CNKSR2: variants seen among roughly 807,000 people sequenced by gnomAD.
The protein encoded by CNKSR2 is connector enhancer of kinase suppressor of Ras 2.
In CNKSR2, 14 loss-of-function variants were observed where a neutral mutation model predicts 84.4. The observed-to-expected ratio is 0.17, with a 90% CI of 0.11 to 0.26. The LOEUF (loss-of-function observed/expected upper bound fraction) is 0.26. Among genes scored for constraint, CNKSR2 ranks in the 10% least tolerant of loss-of-function variants. The pLI, the probability that CNKSR2 is intolerant of heterozygous loss-of-function variation, is 1.00. For synonymous variants in CNKSR2, 275 were observed against 277.9 expected (o/e 0.99, Z 0.10); for missense variants, 485 against 771.2 (o/e 0.63, Z 4.40).
At chrX:21,445,211 C>A (rs1299238996) in intron 4 of CNKSR2, among the ~76,000 whole-genome samples, 1 of 111,454 alleles carries the variant, frequency 9.0e-6, no homozygotes, top group Non-Finnish European at 1.9e-5. Context: ...GACCAAAAAA[C>A]AGGACAAGCT....
chrX:21,604,540 A>G (rs1302582918), intron 18 of CNKSR2, among the ~76,000 whole-genome samples: 2 of 111,825 alleles, frequency 1.8e-5, no homozygotes, highest in Non-Finnish European at 1.9e-5. Flanking sequence ...AACTGGAAGG[A>G]AAAAGTAGAG....
At chrX:21,457,337 C>G (rs1336067704) in intron 4 of CNKSR2, among the ~76,000 whole-genome samples, 2 of 111,185 alleles carry the variant, frequency 1.8e-5, no homozygotes, top group Non-Finnish European at 3.8e-5. Flanking sequence ...CTCTTTGCAT[C>G]TTCTTTCCTT....
chrX:21,601,321 A>G lies in CNKSR2; in HGVS notation c.2016A>G (p.Ala672=), dbSNP rs545217275. 6.0e-6 allele frequency: 7 copies of G among 1,164,504 alleles called. No individual in the cohort carries two copies. In the East Asian group the frequency reaches 1.5e-4, roughly 25 times the overall value. The change falls in exon 18 of 22, where the codon GCA becomes GCG. Residue 672 remains alanine (A), a synonymous_variant. Transcript: ENST00000379510. ...NRINMLTAGY[A]ERERIKQEQD... ...TTAATATGCTGACTGCAGGATATGCAGAAAGAGAGAGGATTAAGCAGGAAC... is the reference window on the plus strand; with the variant it reads ...TTAATATGCTGACTGCAGGATATGCGGAAAGAGAGAGGATTAAGCAGGAAC...
chrX:21,532,718 A>C (rs1233852748), intron 11 of CNKSR2, among the ~76,000 whole-genome samples: 1 of 111,920 alleles, frequency 8.9e-6, no homozygotes, highest in African/African-American at 3.2e-5. Context: ...AAAGATTTGC[A>C]GATAAAGTTG....
At chrX:21,454,834 A>G (rs1028712487) in intron 4 of CNKSR2, among the ~76,000 whole-genome samples, 18 of 112,011 alleles carry the variant, frequency 1.6e-4, no homozygotes, top group African/African-American at 5.5e-4. Flanking sequence ...TCTTTATAAT[A>G]CACTTGGGAG....
chrX:21,632,021 A>G (rs1466191568), intron 20 of CNKSR2, among the ~76,000 whole-genome samples: 1 of 112,246 alleles, frequency 8.9e-6, no homozygotes, highest in Admixed American at 9.5e-5. Flanking sequence ...TTAAATTCCT[A>G]GCTCCTCTTT....
At position 21,563,434 on chromosome X, in the gene CNKSR2, A is replaced by G. The variant is rs754692418; in HGVS notation, c.1590A>G (p.Pro530=). 1 of 1,204,907 alleles carries G rather than the reference A, an allele frequency of 8.3e-7. No individual in the cohort carries two copies. Among genetic ancestry groups the G allele is most frequent in the South Asian group, 1.8e-5 (1 of 56,654 alleles). The change falls in exon 13 of 22, where the codon CCA becomes CCG. Residue 530 remains proline (P), a synonymous_variant. Transcript: ENST00000379510. ...AAGACATCATGGGCACTCCTGTGCC[A>G]GAGACCACACTATACCATGTAAGTA... The part of the protein sequence containing the change: ...LRQDIMGTPV[P]ETTLYHTFQQ...
chrX:21,598,008 CAT>C (rs201782311), intron 17 of CNKSR2, among the ~76,000 whole-genome samples: 3,015 of 101,999 alleles, frequency 0.03, 57 homozygotes, highest in African/African-American at 0.064. Context: ...AAATCATACA[CAT>C]ATATATATAT....
rs1246110559 is a variant in CNKSR2 at position 21,654,241 on chromosome X, C to T, written c.*1720C>T. 1 of 88,343 alleles carries T rather than the reference C, an allele frequency of 1.1e-5. No homozygotes were observed. The highest frequency in any genetic ancestry group is 4.4e-5 in the African/African-American group (1 of 22,672). 7.3% of individuals were successfully genotyped at this position (88,343 alleles called of 1,213,427 possible). On this transcript the variant is annotated 3_prime_UTR_variant, in exon 22 of 22. Coordinates refer to ENST00000379510, the MANE Select transcript of CNKSR2 (RefSeq NM_014927.5). ...CATTTATTTACTGCATGGATATTGA[C>T]GCACATTAAATTTGTGGGATTTTGT...
chrX:21,648,739 A>G, intron 20 of CNKSR2, 92 bp from the exon 21 acceptor site: 1 of 745,483 alleles, frequency 1.3e-6, no homozygotes, highest in Non-Finnish European at 1.9e-6. Context: ...CCATGTGTCA[A>G]ATAACTATAT....
At chrX:21,478,511 T>A (rs775952153) in intron 5 of CNKSR2, among the ~76,000 whole-genome samples, 1 of 112,115 alleles carries the variant, frequency 8.9e-6, no homozygotes, top group Non-Finnish European at 1.9e-5. Context: ...TTTATATAGG[T>A]GTTTTTGCTA....
chrX:21,480,901 T>G (rs2091312200), intron 5 of CNKSR2, among the ~76,000 whole-genome samples: 1 of 112,150 alleles, frequency 8.9e-6, no homozygotes, highest in African/African-American at 3.2e-5. Flanking sequence ...ATTTGATATT[T>G]ACTTGCCAAA....
At chrX:21,577,722 A>G (rs1227553576) in intron 13 of CNKSR2, among the ~76,000 whole-genome samples, 1 of 110,595 alleles carries the variant, frequency 9.0e-6, no homozygotes, top group South Asian at 3.8e-4. Context: ...AGGTAGAATT[A>G]TCTTACCCCT....
chrX:21,625,617 G>C, intron 20 of CNKSR2, among the ~76,000 whole-genome samples: 1 of 111,847 alleles, frequency 8.9e-6, no homozygotes, highest in Non-Finnish European at 1.9e-5. Flanking sequence ...GACAATGTAG[G>C]TCATTCAAAG....
At chrX:21,544,924 C>T (rs1028629077) in intron 11 of CNKSR2, among the ~76,000 whole-genome samples, 1 of 111,586 alleles carries the variant, frequency 9.0e-6, no homozygotes, top group African/African-American at 3.3e-5. Context: ...GGTGCCTACA[C>T]CACCAGGGCC....
chrX:21,531,086 C>T (rs1230173159), intron 10 of CNKSR2, among the ~76,000 whole-genome samples: 1 of 110,904 alleles, frequency 9.0e-6, no homozygotes, highest in Non-Finnish European at 1.9e-5. Context: ...TGTCTTTTTA[C>T]TCTTAAATGA....
At chrX:21,650,490 G>A (rs944501684) in intron 21 of CNKSR2, among the ~76,000 whole-genome samples, 3 of 108,783 alleles carry the variant, frequency 2.8e-5, no homozygotes, top group African/African-American at 6.7e-5. Context: ...ATGGGTTGAT[G>A]GGTGCAGCAA....
At chrX:21,381,672 A>G (rs750621643) in intron 1 of CNKSR2, among the ~76,000 whole-genome samples, 3 of 112,270 alleles carry the variant, frequency 2.7e-5, no homozygotes, top group Non-Finnish European at 3.8e-5. Context: ...AGGTTTGGCC[A>G]TTGCCTATGA....
intron 13 of CNKSR2, among the ~76,000 whole-genome samples, chrX:21,572,473 A>T (rs1227461331): frequency 2.7e-5 from 3 of 112,092 alleles, no homozygotes; most frequent in Non-Finnish European, 3.8e-5. Context: ...TTATACTGCT[A>T]TAAGGACATA....
Sources: allele counts gnomAD v4.1 joint callset (sites outside exome capture counted in the v4.1 genomes callset), GRCh38; gene constraint gnomAD v4.1.1; transcripts MANE v1.5; gene names NCBI Gene and HGNC (gene_info 2026-07-23, HGNC 2026-07-21).